Variants in CENPP observed in about 807,000 individuals in gnomAD.
CENPP encodes centromere protein P.
A neutral mutation model predicts 35.6 loss-of-function variants in CENPP; 24 were observed. The observed-to-expected ratio is 0.67, with a 90% CI of 0.49 to 0.95. The LOEUF (loss-of-function observed/expected upper bound fraction) is 0.95, where lower values mean the gene tolerates loss of function less well. CENPP is among the 40% of genes least tolerant of loss of function. The probability of loss-of-function intolerance (pLI) is 0.00; values close to 1 mark genes in which losing one functional copy is unlikely to be tolerated. For synonymous variants in CENPP, 120 were observed against 125.5 expected, an observed-to-expected ratio of 0.96 and a Z score of 0.29; for missense variants, 332 against 345.3, an observed-to-expected ratio of 0.96 and a Z score of 0.31.
chr9:92,393,029 A>G, intron 5 of CENPP: 1 of 1,402,304 alleles, frequency 7.1e-7, no homozygotes, highest in Non-Finnish European at 9.9e-7. Context: ...ACTTGTGTTT[A>G]TATGAGTTAA....
At chr9:92,389,729 T>G (rs1167739853) in intron 5 of CENPP, 1 of 636,440 alleles carries the variant, frequency 1.6e-6, no homozygotes, top group Non-Finnish European at 2.6e-6. Flanking sequence ...ATGTAAATAA[T>G]GTCTTCATTT....
At chr9:92,499,825 C>T (rs12347857) in intron 5 of CENPP, among the ~76,000 whole-genome samples, 38,572 of 152,026 alleles carry the variant, frequency 0.25, 7,043 homozygotes, top group African/African-American at 0.51. Context: ...GACAGAACAA[C>T]AAGGTTATTG....
chr9:92,336,489 A>G (rs896337128), intron 2 of CENPP, among the ~76,000 whole-genome samples: 2 of 152,062 alleles, frequency 1.3e-5, no homozygotes, highest in East Asian at 3.9e-4. Flanking sequence ...CTACCAGGTC[A>G]CTTTCATTTG....
chr9:92,603,054 G>A (rs1481369749), intron 5 of CENPP, among the ~76,000 whole-genome samples: 1 of 152,206 alleles, frequency 6.6e-6, no homozygotes, highest in Non-Finnish European at 1.5e-5. Flanking sequence ...CTCCCAAAGT[G>A]CTGGGATTAC....
intron 5 of CENPP, among the ~76,000 whole-genome samples, chr9:92,504,854 C>T (rs760432725): frequency 9.9e-5 from 15 of 152,278 alleles, no homozygotes; most frequent in East Asian, 3.9e-4. Flanking sequence ...GTGTTTTTAA[C>T]GCAGGAAATG....
Position 92,370,477 on chromosome 9 carries a change from G to GT in CENPP, c.468-9279dup, listed in dbSNP as rs757491339. On this transcript the variant is annotated intron_variant, in intron 4 of 7. Transcript: ENST00000375587. ...TCTTTTCTATGTTAGACTTTTTATT[G>GT]TTTTTTTGTTGTTTTTTTGAGATGG... Among the ~76,000 whole-genome samples, 417 of 150,930 alleles carry GT rather than the reference G, an allele frequency of 2.8e-3. 3 individuals are homozygous for GT. Among genetic ancestry groups the GT allele is most frequent in the Non-Finnish European group, 4.6e-3 (309 of 67,526 alleles).
intron 1 of CENPP, among the ~76,000 whole-genome samples, chr9:92,330,125 G>A (rs1380440000): frequency 6.6e-6 from 1 of 152,170 alleles, no homozygotes; most frequent in Non-Finnish European, 1.5e-5. Flanking sequence ...AGGAAGAATA[G>A]TTATGTGAGG....
chr9:92,555,786 C>T (rs1849711906), intron 5 of CENPP, among the ~76,000 whole-genome samples: 1 of 152,140 alleles, frequency 6.6e-6, no homozygotes, highest in African/African-American at 2.4e-5. Flanking sequence ...CTCTTCTTTT[C>T]ATCATTAATC....
chr9:92,467,897 A>C (rs1334196055), intron 5 of CENPP, among the ~76,000 whole-genome samples: 1 of 152,184 alleles, frequency 6.6e-6, no homozygotes, highest in African/African-American at 2.4e-5. Flanking sequence ...GTGTGATGCC[A>C]ACTAAAAGTA....
intron 5 of CENPP, among the ~76,000 whole-genome samples, chr9:92,589,909 TTATGA>T (rs2131374728): frequency 6.6e-6 from 1 of 151,778 alleles, no homozygotes; most frequent in East Asian, 1.9e-4. Flanking sequence ...CACCCTTTAA[TTATGA>T]TGTTTTTATT....
At chr9:92,364,143 C>T (rs1240495307) in intron 4 of CENPP, among the ~76,000 whole-genome samples, 1 of 151,810 alleles carries the variant, frequency 6.6e-6, no homozygotes, top group Non-Finnish European at 1.5e-5. Context: ...AGCCACTGTA[C>T]TCAGCCAATC....
At chr9:92,380,534 A>G (rs1842219047) in intron 5 of CENPP, among the ~76,000 whole-genome samples, 1 of 140,550 alleles carries the variant, frequency 7.1e-6, no homozygotes, top group Non-Finnish European at 1.6e-5. Context: ...TGTTTTTAGG[A>G]CTTGTACTAA....
intron 5 of CENPP, among the ~76,000 whole-genome samples, chr9:92,516,157 G>A (rs999834753): frequency 8.0e-5 from 12 of 150,920 alleles, no homozygotes; most frequent in African/African-American, 1.5e-4. Context: ...TCCGCCTCCC[G>A]GGTTCAAGCG....
At chr9:92,603,820 G>C (rs1588311806) in intron 5 of CENPP, among the ~76,000 whole-genome samples, 1 of 152,176 alleles carries the variant, frequency 6.6e-6, no homozygotes, top group South Asian at 2.1e-4. Context: ...CACCTCCCCA[G>C]TCCACTCTCC....
chr9:92,596,539 G>T (rs528576998), intron 5 of CENPP, among the ~76,000 whole-genome samples: 1 of 149,970 alleles, frequency 6.7e-6, no homozygotes, highest in Non-Finnish European at 1.5e-5. Flanking sequence ...TGTGGTATTT[G>T]ATTAAAACGA....
intron 5 of CENPP, among the ~76,000 whole-genome samples, chr9:92,468,979 G>A (rs2131067334): frequency 6.6e-6 from 1 of 152,278 alleles, no homozygotes; most frequent in South Asian, 2.1e-4. Flanking sequence ...AACTTTCATA[G>A]CCCCAGTATT....
chr9:92,432,098 T>G (rs1258550787), intron 5 of CENPP, among the ~76,000 whole-genome samples: 3 of 151,976 alleles, frequency 2.0e-5, no homozygotes, highest in Admixed American at 6.6e-5. Flanking sequence ...GCTGAGGCGG[T>G]TGGATCACCT....
chr9:92,535,781 AAAAC>A lies in CENPP; in HGVS notation c.565-75527_565-75524del, dbSNP rs1240690556. ...AATACTTGGGAAGTACATCGTGAAA[AAAAC>A]AAACAGAATAATGCATACTTTGAAC... On this transcript the variant is annotated intron_variant, in intron 5 of 7. Coordinates refer to ENST00000375587, the MANE Select transcript of CENPP (RefSeq NM_001012267.3). Among the ~76,000 whole-genome samples the A allele has an allele frequency of 3.3e-5, 5 of 152,322 alleles. No homozygotes were observed. The East Asian group carries it at 5.8e-4, about 18-fold the overall frequency.
Position 92,538,416 on chromosome 9 carries a change from A to C in CENPP, c.565-72898A>C, listed in dbSNP as rs183548354. Among the ~76,000 whole-genome samples, 444 of 152,342 alleles carry C rather than the reference A, an allele frequency of 2.9e-3. 1 individual carries two copies. The highest frequency in any genetic ancestry group is 4.9e-3 in the Non-Finnish European group (335 of 68,032). On this transcript the variant is annotated intron_variant, in intron 5 of 7. Transcript: ENST00000375587. ...CAAAATATTAACAGTAATTACAGCG[A>C]GACTTTTACTATGTTCTTTTATATT... is the stretch of plus-strand genomic sequence containing the variant.
Sources: allele counts gnomAD v4.1 joint callset (sites outside exome capture counted in the v4.1 genomes callset), GRCh38; gene constraint gnomAD v4.1.1; transcripts MANE v1.5; gene names NCBI Gene and HGNC (gene_info 2026-07-23, HGNC 2026-07-21).